The following ADAMTS20 variants were observed in gnomAD, a reference collection of about 807,000 sequenced individuals.
ADAMTS20 encodes the protein ADAM metallopeptidase with thrombospondin type 1 motif 20, also known as A disintegrin and metalloproteinase with thrombospondin motifs 20.
A neutral mutation model predicts 260.1 loss-of-function variants in ADAMTS20; 225 were observed. The ratio of observed to expected loss-of-function variants is 0.87; its 90% CI spans 0.78 to 0.97. ADAMTS20 has a LOEUF of 0.97. ADAMTS20 is among the 50% of genes least tolerant of loss of function. ADAMTS20 has a pLI of 0.00. For missense variants in ADAMTS20, 2,400 were observed against 2,337.7 expected (o/e 1.03, Z -0.55); for synonymous variants, 802 against 769.5 (o/e 1.04, Z -0.70).
intron 4 of ADAMTS20, among the ~76,000 whole-genome samples, chr12:43,496,950 T>C (rs971130795): frequency 9.2e-5 from 14 of 152,322 alleles, no homozygotes; most frequent in Middle Eastern, 3.4e-3. Context: ...GAGCGTATCA[T>C]AGGACTAATA....
At chr12:43,523,913 G>T (rs1398135711) in intron 3 of ADAMTS20, among the ~76,000 whole-genome samples, 1 of 149,896 alleles carries the variant, frequency 6.7e-6, no homozygotes, top group African/African-American at 2.4e-5. Context: ...CAGACACTTT[G>T]GGGGAGCTTT....
chr12:43,509,009 T>C (rs2047771), intron 3 of ADAMTS20, among the ~76,000 whole-genome samples: 106,009 of 151,948 alleles, frequency 0.7, 37,352 homozygotes, highest in East Asian at 0.99. Flanking sequence ...ATAAGTTGTT[T>C]GGTTTTCTCT....
chr12:43,362,857 G>A (rs1939903136), intron 37 of ADAMTS20, among the ~76,000 whole-genome samples: 1 of 151,226 alleles, frequency 6.6e-6, no homozygotes, highest in Admixed American at 6.6e-5. Flanking sequence ...GTGAAAAGGG[G>A]CCAAGAGCCA....
intron 2 of ADAMTS20, among the ~76,000 whole-genome samples, chr12:43,540,886 C>T (rs560738042): frequency 4.6e-5 from 7 of 152,262 alleles, no homozygotes; most frequent in Admixed American, 4.6e-4. Flanking sequence ...ATAAAACTGG[C>T]TCCAATTTAT....
intron 36 of ADAMTS20, among the ~76,000 whole-genome samples, chr12:43,370,180 T>C (rs1161164528): frequency 2.0e-5 from 3 of 152,152 alleles, no homozygotes; most frequent in Admixed American, 2.0e-4. Context: ...TTCCCAAAGG[T>C]AGCATTTCTG....
At chr12:43,399,035 C>T (rs752678291) in intron 29 of ADAMTS20, 31 bp downstream of exon 29, 3 of 1,247,818 alleles carry the variant, frequency 2.4e-6, no homozygotes, top group South Asian at 2.8e-5. Context: ...CAAAAAAATA[C>T]ATATATAATT....
At chr12:43,468,966 T>G (rs1942203882) in intron 7 of ADAMTS20, among the ~76,000 whole-genome samples, 1 of 152,124 alleles carries the variant, frequency 6.6e-6, no homozygotes, top group African/African-American at 2.4e-5. Context: ...TTTTTAAATA[T>G]TTTTAAAAAA....
intron 28 of ADAMTS20, among the ~76,000 whole-genome samples, chr12:43,414,079 A>G (rs1941085335): frequency 6.6e-6 from 1 of 152,188 alleles, no homozygotes; most frequent in Non-Finnish European, 1.5e-5. Flanking sequence ...AAATAAACTT[A>G]ATAGAAATTC....
At chr12:43,451,237 T>C (rs1368169036) in intron 14 of ADAMTS20, among the ~76,000 whole-genome samples, 1 of 152,176 alleles carries the variant, frequency 6.6e-6, no homozygotes, top group Non-Finnish European at 1.5e-5. Context: ...GTTGATCTCA[T>C]AGAAGTACAC....
chr12:43,478,689 G>A (rs1026042618), intron 7 of ADAMTS20, among the ~76,000 whole-genome samples: 2 of 152,060 alleles, frequency 1.3e-5, no homozygotes, highest in Non-Finnish European at 2.9e-5. Context: ...AATAGCAAAA[G>A]GCAGGCACAA....
chr12:43,487,981 T>C (rs1942548432), intron 7 of ADAMTS20, among the ~76,000 whole-genome samples: 1 of 152,156 alleles, frequency 6.6e-6, no homozygotes, highest in African/African-American at 2.4e-5. Flanking sequence ...ATTCAATGTA[T>C]AGTTTGGGGA....
intron 3 of ADAMTS20, among the ~76,000 whole-genome samples, chr12:43,528,783 C>T (rs569113592): frequency 5.3e-5 from 8 of 151,934 alleles, no homozygotes; most frequent in East Asian, 1.9e-4. Flanking sequence ...AAAGCAAACA[C>T]GACAAAAACA....
Position 43,381,587 on chromosome 12 carries a change from G to C in ADAMTS20, c.4797+1971C>G, listed in dbSNP as rs1276702011. 2.1e-5 allele frequency among the ~76,000 whole-genome samples: 3 copies of C among 143,454 alleles called. No individual in the cohort carries two copies. The Admixed American group carries it at 2.2e-4, about 10-fold the overall frequency. The allele number at this position is 143,454 out of a possible 152,430, so 94.1% of individuals were successfully genotyped here. On this transcript the variant is annotated intron_variant, in intron 31 of 38. Transcript: ENST00000389420. ...CCTTGAGCCCAGGAGTAAGAAACCA[G>C]CTTGGGCAACACAGGGAGACCCCAT... is the stretch of plus-strand genomic sequence containing the variant.
At chr12:43,466,620 C>G (rs1565560899) in intron 9 of ADAMTS20, 32 bp downstream of exon 9, 3 of 1,559,506 alleles carry the variant, frequency 1.9e-6, no homozygotes, top group Admixed American at 1.8e-5. Context: ...TAATCGAATA[C>G]ATGTTCAATT....
intron 18 of ADAMTS20, among the ~76,000 whole-genome samples, chr12:43,435,113 C>T (rs186691693): frequency 2.6e-5 from 4 of 152,150 alleles, no homozygotes; most frequent in Non-Finnish European, 5.9e-5. Context: ...TGTCACTATA[C>T]GTTTGTCAAA....
intron 29 of ADAMTS20, among the ~76,000 whole-genome samples, chr12:43,387,127 A>G (rs760844396): frequency 6.6e-6 from 1 of 152,150 alleles, no homozygotes. Context: ...TTGTGGATTT[A>G]TCTACCTTTG....
At chr12:43,470,974 G>C (rs997692849) in intron 7 of ADAMTS20, among the ~76,000 whole-genome samples, 23 of 152,240 alleles carry the variant, frequency 1.5e-4, no homozygotes, top group African/African-American at 3.1e-4. Context: ...CTTAACTATC[G>C]GGGAGGAGCC....
intron 18 of ADAMTS20, among the ~76,000 whole-genome samples, chr12:43,436,799 A>T (rs555286782): frequency 1.1e-4 from 17 of 152,306 alleles, no homozygotes; most frequent in African/African-American, 3.8e-4. Context: ...CACCATGCCA[A>T]CTTCTGTTAT....
In ADAMTS20 at chr12:43,424,943, A is replaced by C. The variant is rs569928497; in HGVS notation, c.4284+571T>G. On this transcript the variant is annotated intron_variant, in intron 28 of 38. Transcript: ENST00000389420. ...GGCCAATGATATACTTTAAAAAGAA[A>C]CTGGAGAAGACAAAGTGTATGCATC... Among the ~76,000 whole-genome samples the C allele has an allele frequency of 7.6e-4, 116 of 152,284 alleles. 1 individual carries two copies. The highest frequency in any genetic ancestry group is 2.7e-3 in the African/African-American group (114 of 41,568).
Sources: allele counts gnomAD v4.1 joint callset (sites outside exome capture counted in the v4.1 genomes callset), GRCh38; gene constraint gnomAD v4.1.1; transcripts MANE v1.5; gene names NCBI Gene and HGNC (gene_info 2026-07-23, HGNC 2026-07-21).